The following LRRC39 variants were observed in gnomAD, a reference collection of about 807,000 sequenced individuals.
LRRC39 encodes the protein leucine-rich repeat-containing protein 39.
LRRC39 carries 35 observed loss-of-function variants against 39.7 expected under a neutral mutation model. The observed-to-expected ratio is 0.88, with a 90% confidence interval of 0.67 to 1.17. The LOEUF (loss-of-function observed/expected upper bound fraction) is 1.17, where lower values mean the gene tolerates loss of function less well. LRRC39 is among the 50% of genes most tolerant of loss of function. LRRC39 has a pLI of 0.00. For missense variants in LRRC39, 357 were observed against 385.8 expected, an observed-to-expected ratio of 0.93 and a Z score of 0.62; for synonymous variants, 113 against 134.1, an observed-to-expected ratio of 0.84 and a Z score of 1.09.
rs900767686 is a variant in LRRC39, at chr1:100,149,346, CAATT to C, written c.953-253_953-250del. On this transcript the variant is annotated intron_variant, in intron 9 of 9. Coordinates refer to ENST00000370137, the MANE Select transcript of LRRC39 (RefSeq NM_144620.4). ...CAGAGATATTCACAATTAATAAACACAATTAATTAATGAAGTCACCTTCAAATTT... is the reference window on the plus strand; with the variant it reads ...CAGAGATATTCACAATTAATAAACACAATTAATGAAGTCACCTTCAAATTT... The C allele has an allele frequency of 3.2e-6, 5 of 1,542,094 alleles. No homozygotes were observed. In the South Asian group the frequency reaches 3.7e-5, roughly 11 times the overall value.
Position 100,172,413 on chromosome 1 carries a change from G to T in LRRC39, c.-79+918C>A, listed in dbSNP as rs1049731118. Among the ~76,000 whole-genome samples, 5 of 152,304 alleles carry T rather than the reference G, an allele frequency of 3.3e-5. No homozygotes were observed. The East Asian group carries it at 7.7e-4, about 23-fold the overall frequency. Reference sequence around the variant, plus strand: ...AGGAAAAAGAAAATACTGGCCAGGCGCACTGGCTCATGCATGTAATTCCAG... The same window carrying T: ...AGGAAAAAGAAAATACTGGCCAGGCTCACTGGCTCATGCATGTAATTCCAG... On this transcript the variant is annotated intron_variant, in intron 2 of 9. Transcript: ENST00000370137.
intron 2 of LRRC39, among the ~76,000 whole-genome samples, chr1:100,172,093 C>T (rs1206560537): frequency 6.6e-6 from 1 of 151,958 alleles, no homozygotes; most frequent in East Asian, 1.9e-4. Context: ...CAATAGAATA[C>T]AATAATAATA....
At chr1:100,164,520 T>C (rs2101784902) in intron 3 of LRRC39, among the ~76,000 whole-genome samples, 1 of 152,258 alleles carries the variant, frequency 6.6e-6, no homozygotes, top group South Asian at 2.1e-4. Context: ...GAAACACTGG[T>C]CTATTTCAGA....
At chr1:100,155,473 A>G (rs72973717) in intron 7 of LRRC39, among the ~76,000 whole-genome samples, 4,707 of 152,276 alleles carry the variant, frequency 0.031, 265 homozygotes, top group African/African-American at 0.11. Flanking sequence ...AACTGACATC[A>G]CATTACCTGG....
intron 4 of LRRC39, among the ~76,000 whole-genome samples, chr1:100,160,244 A>C (rs542296150): frequency 6.6e-6 from 1 of 152,346 alleles, no homozygotes; most frequent in Admixed American, 6.5e-5. Context: ...GAAATATCAC[A>C]AATGATTTAG....
chr1:100,167,815 AATAATAATAATG>A (rs1197693688), intron 3 of LRRC39, among the ~76,000 whole-genome samples: 1 of 140,108 alleles, frequency 7.1e-6, no homozygotes, highest in Non-Finnish European at 1.6e-5. Flanking sequence ...TAATAATAAT[AATAATAATAATG>A]ATAGAAAGAG....
intron 8 of LRRC39, among the ~76,000 whole-genome samples, chr1:100,153,607 C>A (rs946239351): frequency 6.6e-6 from 1 of 152,030 alleles, no homozygotes; most frequent in African/African-American, 2.4e-5. Context: ...AAACCAACCC[C>A]ACAAGCGGGC....
chr1:100,150,952 A>C (rs1657941086), intron 9 of LRRC39, among the ~76,000 whole-genome samples: 1 of 151,932 alleles, frequency 6.6e-6, no homozygotes, highest in Non-Finnish European at 1.5e-5. Flanking sequence ...ATATGGTGAA[A>C]CCCTGTCTCT....
At chr1:100,170,568 C>T (rs944203107) in intron 2 of LRRC39, among the ~76,000 whole-genome samples, 1 of 152,068 alleles carries the variant, frequency 6.6e-6, no homozygotes, top group South Asian at 2.1e-4. Context: ...AATGATTGTA[C>T]AACTCTTGAA....
chr1:100,178,859 G>A (rs2101805548), upstream of LRRC39, among the ~76,000 whole-genome samples: 1 of 152,200 alleles, frequency 6.6e-6, no homozygotes, highest in East Asian at 1.9e-4. Context: ...CTCCAGTAGG[G>A]AGGTTCTCTT....
intron 6 of LRRC39, 101 bp from the exon 7 acceptor site, chr1:100,156,418 CA>C: frequency 1.7e-6 from 2 of 1,169,252 alleles, no homozygotes; most frequent in Admixed American, 2.6e-5. Flanking sequence ...GGAATATTCA[CA>C]TTTTACTTGG....
At chr1:100,172,652 G>A (rs911261914) in intron 2 of LRRC39, among the ~76,000 whole-genome samples, 20 of 146,930 alleles carry the variant, frequency 1.4e-4, no homozygotes, top group Non-Finnish European at 2.7e-4. Flanking sequence ...GTGAAACCCC[G>A]TCTCTACTAA....
chr1:100,163,366 G>A (rs924613286), intron 3 of LRRC39, among the ~76,000 whole-genome samples: 7 of 152,066 alleles, frequency 4.6e-5, no homozygotes, highest in Non-Finnish European at 1.0e-4. Context: ...TGAGTTCACG[G>A]TCAGGCTATT....
chr1:100,172,137 C>T (rs554064611), intron 2 of LRRC39, among the ~76,000 whole-genome samples: 1 of 152,036 alleles, frequency 6.6e-6, no homozygotes, highest in Non-Finnish European at 1.5e-5. Flanking sequence ...AATGCTGGTC[C>T]CAGAGATGAC....
intron 3 of LRRC39, among the ~76,000 whole-genome samples, chr1:100,167,284 T>A (rs913914337): frequency 1.3e-5 from 2 of 152,012 alleles, no homozygotes; most frequent in African/African-American, 2.4e-5. Context: ...AGGAAGCTAA[T>A]CCGAGGATCA....
chr1:100,149,530 C>A, intron 9 of LRRC39: 1 of 1,233,000 alleles, frequency 8.1e-7, no homozygotes, highest in Non-Finnish European at 1.1e-6. Context: ...ACATAATTCA[C>A]AAATTTGAAA....
intron 3 of LRRC39, 56 bp downstream of exon 3, chr1:100,168,348 G>T: frequency 1.6e-6 from 2 of 1,282,402 alleles, no homozygotes; most frequent in South Asian, 1.4e-5. Flanking sequence ...TCTTTTTTAT[G>T]GTGATGATAA....
At chr1:100,175,816 A>T (rs1181030269) in intron 1 of LRRC39, among the ~76,000 whole-genome samples, 1 of 152,248 alleles carries the variant, frequency 6.6e-6, no homozygotes, top group Non-Finnish European at 1.5e-5. Flanking sequence ...CTCCACCTTA[A>T]TAAAAACATA....
chr1:100,168,753 A>G, intron 2 of LRRC39, 159 bp from the exon 3 acceptor site: 1 of 374,226 alleles, frequency 2.7e-6, no homozygotes, highest in South Asian at 5.8e-5. Context: ...AAAATACTAT[A>G]ATATAGGTAC....
Sources: gnomAD v4.1 joint callset for allele counts (sites outside exome capture counted in the v4.1 genomes callset) on GRCh38, gnomAD v4.1.1 for gene constraint, MANE v1.5 for transcripts, NCBI Gene and HGNC (gene_info 2026-07-23, HGNC 2026-07-21) for gene names.